Variants in CADPS observed in about 807,000 individuals in gnomAD.
CADPS encodes the protein calcium-dependent secretion activator 1.
Under a neutral mutation model 167.3 loss-of-function variants are expected in CADPS, and 57 were observed. The observed-to-expected ratio is 0.34, with a 90% confidence interval of 0.28 to 0.42. The LOEUF (loss-of-function observed/expected upper bound fraction) is 0.42. Among genes scored for constraint, CADPS ranks in the 20% least tolerant of loss-of-function variants. The pLI is 1.00. For synonymous variants in CADPS, 676 were observed against 635.3 expected (o/e 1.06, Z -0.96); for missense variants, 1,414 against 1,738.1 (o/e 0.81, Z 3.32).
At chr3:62,435,758 C>G (rs532210414) in intron 28 of CADPS, among the ~76,000 whole-genome samples, 1 of 151,878 alleles carries the variant, frequency 6.6e-6, no homozygotes, top group South Asian at 2.1e-4. Flanking sequence ...GAGGGTATAA[C>G]TAAGACTCCG....
intron 29 of CADPS, among the ~76,000 whole-genome samples, chr3:62,401,517 G>C (rs571404827): frequency 6.6e-5 from 10 of 152,350 alleles, no homozygotes; most frequent in Non-Finnish European, 1.0e-4. Context: ...GTGAATAAAT[G>C]AAGTGGCTGT....
intron 9 of CADPS, among the ~76,000 whole-genome samples, chr3:62,566,167 GT>G (rs2080144411): frequency 6.6e-6 from 1 of 152,198 alleles, no homozygotes; most frequent in African/African-American, 2.4e-5. Context: ...TTTCCACACT[GT>G]TTTCCAGGGA....
At chr3:62,737,474 CAAAAAAAAAAAGCA>C (rs1263754413) in intron 3 of CADPS, among the ~76,000 whole-genome samples, 4 of 133,202 alleles carry the variant, frequency 3.0e-5, no homozygotes, top group African/African-American at 8.4e-5. Flanking sequence ...TCTCTTACAG[CAAAAAAAAAAAGCA>C]AAAAAAAGAA....
intron 2 of CADPS, among the ~76,000 whole-genome samples, chr3:62,765,621 T>C (rs899668980): frequency 6.6e-5 from 10 of 152,230 alleles, no homozygotes; most frequent in African/African-American, 1.9e-4. Flanking sequence ...AAGACTGTTA[T>C]ATGTTGTATG....
intron 1 of CADPS, among the ~76,000 whole-genome samples, chr3:62,873,331 T>C (rs1378132722): frequency 1.3e-5 from 2 of 152,246 alleles, no homozygotes; most frequent in African/African-American, 4.8e-5. Context: ...TGTTCTTAAA[T>C]GGCAGCAACT....
intron 10 of CADPS, among the ~76,000 whole-genome samples, chr3:62,551,803 C>CT (rs552757134): frequency 6.6e-6 from 1 of 152,112 alleles, no homozygotes; most frequent in Non-Finnish European, 1.5e-5. Context: ...CTGGAGCACT[C>CT]TTTTTTCAGG....
At chr3:62,532,371 A>G (rs1415117388) in intron 13 of CADPS, among the ~76,000 whole-genome samples, 2 of 152,200 alleles carry the variant, frequency 1.3e-5, no homozygotes, top group Non-Finnish European at 2.9e-5. Flanking sequence ...CACACATACT[A>G]AATGTGTATC....
intron 28 of CADPS, among the ~76,000 whole-genome samples, chr3:62,434,334 G>T (rs977380449): frequency 1.3e-5 from 2 of 152,068 alleles, no homozygotes; most frequent in Non-Finnish European, 2.9e-5. Flanking sequence ...ACAGTTTGCC[G>T]ATTCTTTTCT....
chr3:62,642,882 G>A (rs1265839825), intron 6 of CADPS, among the ~76,000 whole-genome samples: 1 of 152,024 alleles, frequency 6.6e-6, no homozygotes, highest in Non-Finnish European at 1.5e-5. Context: ...CTGTACTCCA[G>A]CCTGGGTGAC....
chr3:62,677,995 TGC>T (rs1363628765), intron 3 of CADPS, among the ~76,000 whole-genome samples: 1 of 152,108 alleles, frequency 6.6e-6, no homozygotes, highest in Non-Finnish European at 1.5e-5. Flanking sequence ...ACTGGGGTCT[TGC>T]TGACCCCTGT....
intron 3 of CADPS, among the ~76,000 whole-genome samples, chr3:62,697,163 A>C (rs911263802): frequency 1.3e-5 from 2 of 152,036 alleles, no homozygotes; most frequent in African/African-American, 4.8e-5. Context: ...GTTTGTTTAC[A>C]TGAGTAAGTT....
At position 62,493,716 on chromosome 3, in the gene CADPS, G is replaced by T. The variant is rs529833869; in HGVS notation, c.2707-51C>A. 9 of 1,513,360 alleles carry T rather than the reference G, an allele frequency of 5.9e-6. No homozygotes were observed. The Middle Eastern group carries it at 5.1e-4, about 86-fold the overall frequency. The allele number at this position is 1,513,360 out of a possible 1,614,324, so 93.7% of individuals were successfully genotyped here. ...ATCAAGTCATGGACCATTCTGCAAG[G>T]TTGGCTTGGCTGGAAATAGACACCT... is the stretch of plus-strand genomic sequence containing the variant. On this transcript the variant is annotated intron_variant, in intron 18 of 29. Coordinates refer to ENST00000383710, the MANE Select transcript of CADPS (RefSeq NM_003716.4).
intron 24 of CADPS, among the ~76,000 whole-genome samples, chr3:62,467,468 T>C (rs533400120): frequency 2.2e-4 from 33 of 152,212 alleles, no homozygotes; most frequent in Non-Finnish European, 4.4e-4. Context: ...GGTTTAATAT[T>C]CTGATAACTG....
intron 26 of CADPS, among the ~76,000 whole-genome samples, chr3:62,461,528 C>G (rs2059349766): frequency 6.6e-6 from 1 of 152,166 alleles, no homozygotes; most frequent in Non-Finnish European, 1.5e-5. Flanking sequence ...AAGTCTCCAC[C>G]CCCAACATTC....
intron 3 of CADPS, 60 bp from the exon 4 acceptor site, chr3:62,662,454 G>A: frequency 6.8e-7 from 1 of 1,462,862 alleles, no homozygotes; most frequent in African/African-American, 1.4e-5. Context: ...AATAAACTCA[G>A]GACATTCCAT....
At chr3:62,650,815 CA>C in intron 5 of CADPS, 31 bp downstream of exon 5, 1 of 1,564,584 alleles carries the variant, frequency 6.4e-7, no homozygotes, top group Non-Finnish European at 8.8e-7. Flanking sequence ...CTTGCTGTGC[CA>C]AGAAACTTTC....
At chr3:62,540,254 T>C (rs961382955) in intron 11 of CADPS, among the ~76,000 whole-genome samples, 1 of 152,108 alleles carries the variant, frequency 6.6e-6, no homozygotes, top group African/African-American at 2.4e-5. Flanking sequence ...TTTCTGCCCC[T>C]GTATAACCAA....
intron 8 of CADPS, among the ~76,000 whole-genome samples, chr3:62,577,578 T>A (rs1299079443): frequency 6.6e-6 from 1 of 152,132 alleles, no homozygotes; most frequent in African/African-American, 2.4e-5. Context: ...AAAGAATAAA[T>A]GAAAGCAAAT....
At chr3:62,473,356 A>G (rs1375979399) in intron 24 of CADPS, among the ~76,000 whole-genome samples, 2 of 152,232 alleles carry the variant, frequency 1.3e-5, no homozygotes, top group Admixed American at 1.3e-4. Flanking sequence ...ATAACGAATA[A>G]GGAGCAAATA....
Sources: allele counts gnomAD v4.1 joint callset (sites outside exome capture counted in the v4.1 genomes callset), GRCh38; gene constraint gnomAD v4.1.1; transcripts MANE v1.5; gene names NCBI Gene and HGNC (gene_info 2026-07-23, HGNC 2026-07-21).